Variants in FHIP2A observed in about 807,000 individuals in gnomAD.
The protein encoded by FHIP2A is FHF complex subunit HOOK interacting protein 2A, also known as family with sequence similarity 160 member B1.
A neutral mutation model predicts 93.5 loss-of-function variants in FHIP2A; 46 were observed. The ratio of observed to expected loss-of-function variants is 0.49; its 90% CI spans 0.39 to 0.63. FHIP2A has a LOEUF of 0.63. Among genes scored for constraint, FHIP2A ranks in the 20% least tolerant of loss-of-function variants. The probability of loss-of-function intolerance (pLI) is 0.00; values close to 1 mark genes in which losing one functional copy is unlikely to be tolerated. For missense variants in FHIP2A, 769 were observed against 909.7 expected (o/e 0.85, Z 1.99); for synonymous variants, 332 against 326.5 (o/e 1.02, Z -0.18).
At chr10:114,828,066 A>G (rs1303251777) in intron 1 of FHIP2A, among the ~76,000 whole-genome samples, 2 of 152,022 alleles carry the variant, frequency 1.3e-5, no homozygotes, top group African/African-American at 4.8e-5. Context: ...GGTAATTTGC[A>G]TGTTAGAATT....
At chr10:114,854,290 C>T (rs1445302819) in intron 13 of FHIP2A, among the ~76,000 whole-genome samples, 2 of 151,790 alleles carry the variant, frequency 1.3e-5, no homozygotes, top group Non-Finnish European at 1.5e-5. Flanking sequence ...GTCAGGAATT[C>T]GAGACCAGCC....
At chr10:114,847,008 T>G (rs2083705296) in intron 11 of FHIP2A, 82 bp from the exon 12 acceptor site, 1 of 1,248,010 alleles carries the variant, frequency 8.0e-7, no homozygotes, top group Middle Eastern at 1.9e-4. Flanking sequence ...TAACATTTTC[T>G]AAGAACATAG....
In FHIP2A at chr10:114,863,743, A is replaced by G; in HGVS notation, c.*2203A>G. 7.8e-7 allele frequency: 1 copy of G among 1,286,978 alleles called. No homozygotes were observed. Among genetic ancestry groups the G allele is most frequent in the South Asian group, 1.3e-5 (1 of 76,650 alleles). The allele number at this position is 1,286,978 out of a possible 1,614,324, so 79.7% of individuals were successfully genotyped here. A position where few individuals can be genotyped will look rare whatever the true frequency, so the allele number is the denominator to read the frequency against. On this transcript the variant is annotated 3_prime_UTR_variant, in exon 17 of 17. Coordinates refer to ENST00000369248, the MANE Select transcript of FHIP2A (RefSeq NM_020940.4). Reference sequence around the variant, plus strand: ...CCAGTTTTTCTTACCTTCTGTTGACAGCTGAATATTTCTGTTACTCAGTAC... The same window carrying G: ...CCAGTTTTTCTTACCTTCTGTTGACGGCTGAATATTTCTGTTACTCAGTAC...
chr10:114,879,681 G>C (rs1206166440), intron 16 of FHIP2A, among the ~76,000 whole-genome samples: 1 of 152,068 alleles, frequency 6.6e-6, no homozygotes, highest in Non-Finnish European at 1.5e-5. Flanking sequence ...CAGAGGGACG[G>C]GTTTACTTTT....
In FHIP2A at chr10:114,860,930, T is replaced by C. The variant is rs770049295; in HGVS notation, c.2088+41T>C. ...TGTTATATTCCCTAGGATTGATAAATCTGTGCAATTAATATGTTAATATCA... is the reference window on the plus strand; with the variant it reads ...TGTTATATTCCCTAGGATTGATAAACCTGTGCAATTAATATGTTAATATCA... On this transcript the variant is annotated intron_variant, in intron 15 of 16. Coordinates refer to ENST00000369248, the MANE Select transcript of FHIP2A (RefSeq NM_020940.4). The C allele has an allele frequency of 1.9e-6, 3 of 1,562,144 alleles. No homozygotes were observed. In the Admixed American group the frequency reaches 5.0e-5, roughly 26 times the overall value.
At chr10:114,885,692 T>C (rs2083939567) in intron 16 of FHIP2A, among the ~76,000 whole-genome samples, 1 of 152,216 alleles carries the variant, frequency 6.6e-6, no homozygotes, top group African/African-American at 2.4e-5. Context: ...TCAGTCCAGT[T>C]TTATTGCATT....
intron 16 of FHIP2A, among the ~76,000 whole-genome samples, chr10:114,890,454 C>T (rs190959239): frequency 1.4e-5 from 2 of 147,648 alleles, no homozygotes; most frequent in Admixed American, 1.4e-4. Context: ...TATACACACA[C>T]ATATATTTGC....
chr10:114,847,654 A>C (rs1323871808), intron 12 of FHIP2A, among the ~76,000 whole-genome samples: 2 of 152,108 alleles, frequency 1.3e-5, no homozygotes, highest in Non-Finnish European at 2.9e-5. Context: ...TGCTTATGTA[A>C]CAAGTGCCAG....
intron 16 of FHIP2A, among the ~76,000 whole-genome samples, chr10:114,876,416 T>A (rs1230119031): frequency 6.6e-6 from 1 of 152,188 alleles, no homozygotes; most frequent in African/African-American, 2.4e-5. Context: ...GCTCTGGTGC[T>A]TTAGGCACCC....
intron 2 of FHIP2A, among the ~76,000 whole-genome samples, chr10:114,831,850 G>T (rs2083609812): frequency 6.6e-6 from 1 of 152,190 alleles, no homozygotes; most frequent in Non-Finnish European, 1.5e-5. Context: ...TAACTCCAGG[G>T]CCCATGCTTT....
intron 5 of FHIP2A, among the ~76,000 whole-genome samples, chr10:114,838,343 T>TGG (rs1278259586): frequency 6.6e-6 from 1 of 152,148 alleles, no homozygotes; most frequent in Middle Eastern, 3.2e-3. Flanking sequence ...AATTTCTAGG[T>TGG]GGTGGTAAGG....
chr10:114,885,608 T>TA (rs2083939073), intron 16 of FHIP2A, among the ~76,000 whole-genome samples: 1 of 152,214 alleles, frequency 6.6e-6, no homozygotes, highest in Non-Finnish European at 1.5e-5. Context: ...ATTAAATAGC[T>TA]GTGCTGCAAT....
At chr10:114,877,505 C>A (rs932117077) in intron 16 of FHIP2A, among the ~76,000 whole-genome samples, 1 of 151,818 alleles carries the variant, frequency 6.6e-6, no homozygotes, top group African/African-American at 2.4e-5. Context: ...GCTGAAGGAT[C>A]GAATCACCTA....
intron 16 of FHIP2A, among the ~76,000 whole-genome samples, chr10:114,889,331 G>T (rs764980255): frequency 6.6e-6 from 1 of 152,114 alleles, no homozygotes. Context: ...AGTAAAATAC[G>T]CCTGGGTTAC....
At chr10:114,853,852 A>G (rs2083750723) in intron 13 of FHIP2A, among the ~76,000 whole-genome samples, 1 of 152,096 alleles carries the variant, frequency 6.6e-6, no homozygotes, top group South Asian at 2.1e-4. Context: ...TACAAAAATT[A>G]GCTGGACCTG....
Position 114,847,120 on chromosome 10 carries a change from C to T in FHIP2A, c.1599C>T (p.Asp533=), listed in dbSNP as rs773218424. The change falls in exon 12 of 17, where the codon GAC becomes GAT. Residue 533 remains aspartate, a synonymous_variant. Transcript: ENST00000369248. Reference sequence around the variant, plus strand: ...TGGAAGAAGATCCATTATTTACTGACATTTCACCAGAAAACACTTTGCCAA... The same window carrying T: ...TGGAAGAAGATCCATTATTTACTGATATTTCACCAGAAAACACTTTGCCAA... The part of the protein sequence containing the change: ...VDLEEDPLFT[D]ISPENTLPNQ... The T allele has an allele frequency of 1.9e-6, 3 of 1,612,496 alleles. No homozygotes were observed. The Admixed American group carries it at 5.0e-5, about 27-fold the overall frequency.
rs557125458 is a variant in FHIP2A at position 114,861,956 on chromosome 10, CA to C, written c.*425del. 1,195 of 976,020 alleles carry C rather than the reference CA, an allele frequency of 1.2e-3. 5 individuals are homozygous for C. The African/African-American group carries it at 0.015, about 12-fold the overall frequency. The allele number at this position is 976,020 out of a possible 1,614,324, so 60.5% of individuals were successfully genotyped here. On this transcript the variant is annotated 3_prime_UTR_variant, in exon 17 of 17. Transcript: ENST00000369248. ...TGTATTCTTTTGGATTAATAAGTAG[CA>C]AAAAAAAATCACTAATTTTATAACT... is the stretch of plus-strand genomic sequence containing the variant.
intron 16 of FHIP2A, among the ~76,000 whole-genome samples, chr10:114,873,805 T>A (rs2083870630): frequency 6.6e-6 from 1 of 152,204 alleles, no homozygotes; most frequent in Non-Finnish European, 1.5e-5. Flanking sequence ...TCTTTTTGTT[T>A]TTTAGTACTT....
intron 15 of FHIP2A, 34 bp from the exon 16 acceptor site, chr10:114,861,197 T>G: frequency 6.2e-7 from 1 of 1,609,952 alleles, no homozygotes; most frequent in Non-Finnish European, 8.5e-7. Context: ...GTAGCTGATT[T>G]CAGGAACTGA....
Sources: allele counts gnomAD v4.1 joint callset (sites outside exome capture counted in the v4.1 genomes callset), GRCh38; gene constraint gnomAD v4.1.1; transcripts MANE v1.5; gene names NCBI Gene and HGNC (gene_info 2026-07-23, HGNC 2026-07-21).